SYT13: variants seen among roughly 807,000 people sequenced by gnomAD.
SYT13 encodes the protein synaptotagmin 13.
Under a neutral mutation model 38.6 loss-of-function variants are expected in SYT13, and 21 were observed. The observed-to-expected ratio is 0.54, with a 90% CI of 0.39 to 0.78. SYT13 has a LOEUF of 0.78. Ranked by LOEUF, SYT13 falls within the 30% of genes least tolerant of loss-of-function variation. The pLI is 0.00. For missense variants in SYT13, 495 were observed against 548.7 expected (o/e 0.90, Z 0.98); for synonymous variants, 241 against 237.6 (o/e 1.01, Z -0.13).
Position 45,255,837 on chromosome 11 carries a change from G to T in SYT13, c.238C>A (p.Pro80Thr). The change falls in exon 2 of 6, where the codon CCA becomes ACA. Residue 80 changes from proline to threonine, a missense_variant. Coordinates refer to ENST00000020926, the MANE Select transcript of SYT13 (RefSeq NM_020826.3). ...GCTGGCCTGGGTCCATAGATGTCTG[G>T]GAACTTGAGGAGGGCACGGGGCTGA... ...PVQPRALLKF[P>T]DIYGPRPAVT... is the part of the protein sequence containing the mutation. 6.2e-7 allele frequency: 1 copy of T among 1,614,160 alleles called. No homozygotes were observed. The highest frequency in any genetic ancestry group is 8.5e-7 in the Non-Finnish European group (1 of 1,180,034).
At chr11:45,254,484 C>T in intron 2 of SYT13, 80 bp from the exon 3 acceptor site, 1 of 1,528,496 alleles carries the variant, frequency 6.5e-7, no homozygotes, top group South Asian at 1.3e-5. Context: ...ATCTCTATCA[C>T]CTATGCCAGG....
At chr11:45,277,699 C>G (rs1414312049) in intron 1 of SYT13, among the ~76,000 whole-genome samples, 1 of 152,194 alleles carries the variant, frequency 6.6e-6, no homozygotes, top group African/African-American at 2.4e-5. Context: ...ACATCCTTCC[C>G]TTTTGCCCTG....
At chr11:45,270,374 G>A (rs1854935185) in intron 1 of SYT13, among the ~76,000 whole-genome samples, 1 of 152,030 alleles carries the variant, frequency 6.6e-6, no homozygotes, top group South Asian at 2.1e-4. Flanking sequence ...TTGTATTAAA[G>A]GCTGAAAAGT....
In SYT13 at chr11:45,252,419, A is replaced by G. The variant is rs1854686883; in HGVS notation, c.846+2T>C. The G allele has an allele frequency of 6.4e-7, 1 of 1,571,070 alleles. No homozygotes were observed. Among genetic ancestry groups the G allele is most frequent in the Non-Finnish European group, 8.7e-7 (1 of 1,156,008 alleles). ...ACCTTTCTAACCCAGGGGTTACCCT[A>G]CCTTCGCTGAAGTCTTCAGCTCGCC... On this transcript the variant is annotated splice_donor_variant, in intron 4 of 5. Transcript: ENST00000020926. LOFTEE classifies it high-confidence loss of function. The surrounding 1 kb of genome is among the most constrained non-coding windows in gnomAD (Gnocchi z 4.3).
At chr11:45,260,207 G>C (rs1052783928) in intron 1 of SYT13, among the ~76,000 whole-genome samples, 2 of 152,200 alleles carry the variant, frequency 1.3e-5, no homozygotes, top group Admixed American at 6.5e-5. Flanking sequence ...GCTGGCTTTA[G>C]CTGGGAATGA....
intron 1 of SYT13, among the ~76,000 whole-genome samples, chr11:45,257,758 A>T (rs1231613226): frequency 2.0e-5 from 3 of 152,280 alleles, no homozygotes; most frequent in Middle Eastern, 3.4e-3. Flanking sequence ...AATTAGTTTC[A>T]TCCATTGGAC....
At chr11:45,272,971 A>G (rs1237296958) in intron 1 of SYT13, among the ~76,000 whole-genome samples, 1 of 152,232 alleles carries the variant, frequency 6.6e-6, no homozygotes, top group East Asian at 1.9e-4. Context: ...CCTCTGACTC[A>G]CAGACTCTTC....
At chr11:45,246,605 T>C in intron 4 of SYT13, 93 bp from the exon 5 acceptor site, 1 of 1,508,730 alleles carries the variant, frequency 6.6e-7, no homozygotes, top group South Asian at 1.3e-5. Flanking sequence ...ATGCTGGATT[T>C]GCATCCAACA....
At chr11:45,260,327 A>G (rs927903199) in intron 1 of SYT13, among the ~76,000 whole-genome samples, 16 of 152,200 alleles carry the variant, frequency 1.1e-4, no homozygotes, top group South Asian at 6.2e-4. Context: ...GTGCAATCTT[A>G]TTTATTGCAT....
intron 1 of SYT13, among the ~76,000 whole-genome samples, chr11:45,268,478 G>C (rs764124155): frequency 3.3e-5 from 5 of 152,116 alleles, no homozygotes; most frequent in Non-Finnish European, 5.9e-5. Context: ...TGAAGAAAAA[G>C]AAAACCCATC....
intron 2 of SYT13, 173 bp from the exon 3 acceptor site, chr11:45,254,577 A>C (rs1356000546): frequency 1.3e-6 from 1 of 780,858 alleles, no homozygotes; most frequent in Non-Finnish European, 1.9e-6. Context: ...GTCACAGCCC[A>C]TTAGGCTGCA....
At position 45,285,815 on chromosome 11, in the gene SYT13, C is replaced by T. The variant is rs982258800; in HGVS notation, c.183+210G>A. 2.3e-5 allele frequency: 17 copies of T among 739,174 alleles called. No individual in the cohort carries two copies. In the African/African-American group the frequency reaches 2.6e-4, roughly 11 times the overall value. The allele number at this position is 739,174 out of a possible 1,614,324, so 45.8% of individuals were successfully genotyped here. The stretch of plus-strand genomic sequence containing the variant: ...CACAAGCTCGCCGCTCCCTAATTCT[C>T]CTTCAGGTCTCGTCTCCCCCATCCC... On this transcript the variant is annotated intron_variant, in intron 1 of 5. Transcript: ENST00000020926.
rs2135880843 is a variant in SYT13 at position 45,241,990 on chromosome 11, T to G, written c.*2062A>C. On this transcript the variant is annotated 3_prime_UTR_variant, in exon 6 of 6. Coordinates refer to ENST00000020926, the MANE Select transcript of SYT13 (RefSeq NM_020826.3). ...TTTTCAGAGGATGGTTAGAAGTTATTTCTAATGCTTTTCTATTTCTGTACA... is the reference window on the plus strand; with the variant it reads ...TTTTCAGAGGATGGTTAGAAGTTATGTCTAATGCTTTTCTATTTCTGTACA... 1 of 152,328 alleles carries G rather than the reference T, an allele frequency of 6.6e-6. No homozygotes were observed. 9.4% of individuals were successfully genotyped at this position (152,328 alleles called of 1,614,324 possible).
At position 45,266,800 on chromosome 11, in the gene SYT13, G is replaced by A. The variant is rs966874307; in HGVS notation, c.184-10909C>T. On this transcript the variant is annotated intron_variant, in intron 1 of 5. Transcript: ENST00000020926. ...GGTTTGATCTGTGCCCATTCCTTCT[G>A]TAGAGGAAGGCACACCCAACCAATT... is the stretch of plus-strand genomic sequence containing the variant. Among the ~76,000 whole-genome samples the A allele has an allele frequency of 5.9e-5, 9 of 152,314 alleles. No homozygotes were observed. The South Asian group carries it at 6.2e-4, about 11-fold the overall frequency.
At chr11:45,276,038 A>G (rs1855006508) in intron 1 of SYT13, among the ~76,000 whole-genome samples, 1 of 152,170 alleles carries the variant, frequency 6.6e-6, no homozygotes, top group African/African-American at 2.4e-5. Flanking sequence ...CTCAATACAG[A>G]CAGCAAATGT....
chr11:45,252,143 T>C lies in SYT13; in HGVS notation c.846+278A>G, dbSNP rs1854683986. On this transcript the variant is annotated intron_variant, in intron 4 of 5. Transcript: ENST00000020926. The surrounding 1 kb of genome is among the most constrained non-coding windows in gnomAD (Gnocchi z 4.3). ...GGACAGTACTTCATAGCAGTAAAGG[T>C]AATACACACAGCATGGCATTTTCCA... is the stretch of plus-strand genomic sequence containing the variant. Among the ~76,000 whole-genome samples, 1 of 152,078 alleles carries C rather than the reference T, an allele frequency of 6.6e-6. No individual in the cohort carries two copies. The highest frequency in any genetic ancestry group is 1.5e-5 in the Non-Finnish European group (1 of 68,020).
chr11:45,281,532 TG>T (rs989596347), intron 1 of SYT13, among the ~76,000 whole-genome samples: 27 of 152,272 alleles, frequency 1.8e-4, no homozygotes, highest in Admixed American at 1.1e-3. Context: ...CTAGGCGTTG[TG>T]GTGCACACCT....
Position 45,240,385 on chromosome 11 carries a change from A to C in SYT13, c.*3667T>G, listed in dbSNP as rs1476320637. 6.5e-6 allele frequency: 1 copy of C among 152,672 alleles called. No individual in the cohort carries two copies. Among genetic ancestry groups the C allele is most frequent in the Non-Finnish European group, 1.5e-5 (1 of 68,052 alleles). The allele number at this position is 152,672 out of a possible 1,614,324, so 9.5% of individuals were successfully genotyped here. ...GACATATGACTACAATGTCTCATGC[A>C]TCTTTTTGTGCTTTAGTTCATGACT... On this transcript the variant is annotated 3_prime_UTR_variant, in exon 6 of 6. Transcript: ENST00000020926.
chr11:45,254,074 A>T (rs997411980), intron 3 of SYT13, 196 bp downstream of exon 3: 25 of 505,530 alleles, frequency 4.9e-5, no homozygotes, highest in African/African-American at 4.6e-4. Context: ...TTTGTCAACC[A>T]GGAATCCCCA....
Sources: gnomAD v4.1 joint callset for allele counts (sites outside exome capture counted in the v4.1 genomes callset) on GRCh38, gnomAD v4.1.1 for gene constraint, Gnocchi (gnomAD v3.1) non-coding constraint, MANE v1.5 for transcripts, NCBI Gene and HGNC (gene_info 2026-07-23, HGNC 2026-07-21) for gene names.